Variants in SYNE4 observed in about 807,000 individuals in gnomAD.
SYNE4 encodes spectrin repeat containing nuclear envelope family member 4, also known as nesprin-4.
Under a neutral mutation model 46.9 loss-of-function variants are expected in SYNE4, and 41 were observed. That is an observed-to-expected ratio of 0.87 (90% CI 0.68 to 1.13). SYNE4 has a LOEUF of 1.13. SYNE4 is among the 50% of genes most tolerant of loss of function. The probability of loss-of-function intolerance (pLI) is 0.00; values close to 1 mark genes in which losing one functional copy is unlikely to be tolerated. For synonymous variants in SYNE4, 221 were observed against 219.5 expected (o/e 1.01, Z -0.06); for missense variants, 492 against 514.8 (o/e 0.96, Z 0.43).
rs774287227 is a variant in SYNE4, at chr19:36,006,406, A to AG, written c.867+16dup. The AG allele has an allele frequency of 1.3e-6, 2 of 1,582,394 alleles. No individual in the cohort carries two copies. The highest frequency in any genetic ancestry group is 1.7e-6 in the Non-Finnish European group (2 of 1,163,380). On this transcript the variant is annotated intron_variant, in intron 5 of 7. Coordinates refer to ENST00000324444, the MANE Select transcript of SYNE4 (RefSeq NM_001039876.3). ...AGGGTGCCTGGCAGAAGGTCCCTCA[A>AG]GGGGGTCTGCTCTCACCTCAAGGCC...
Position 36,003,336 on chromosome 19 carries a change from A to G in SYNE4, c.*1T>C. The G allele has an allele frequency of 6.2e-7, 1 of 1,614,080 alleles. No individual in the cohort carries two copies. Among genetic ancestry groups the G allele is most frequent in the Non-Finnish European group, 8.5e-7 (1 of 1,179,984 alleles). On this transcript the variant is annotated 3_prime_UTR_variant, in exon 8 of 8. Coordinates refer to ENST00000324444, the MANE Select transcript of SYNE4 (RefSeq NM_001039876.3). ...TTGACAGTGACCATTTATTACACAC[A>G]TCAGACTGGGGGAAGACCATTGACA...
Position 36,006,789 on chromosome 19 carries a change from C to G in SYNE4, c.579G>C (p.Arg193=), listed in dbSNP as rs531951502. 6.2e-7 allele frequency: 1 copy of G among 1,611,826 alleles called. No individual in the cohort carries two copies. The highest frequency in any genetic ancestry group is 8.5e-7 in the Non-Finnish European group (1 of 1,179,264). The change falls in exon 4 of 8, where the codon CGG becomes CGC. Residue 193 remains arginine (R), a synonymous_variant. Coordinates refer to ENST00000324444, the MANE Select transcript of SYNE4 (RefSeq NM_001039876.3). The part of the protein sequence containing the change: ...LGAYRDSIFR[R]LWQLQAQLVS... The stretch of plus-strand genomic sequence containing the variant: ...CCAGCTGGGCCTGCAGCTGCCAGAG[C>G]CGCCGGAAGATGGAGTCTCGGTAAG...
At chr19:36,007,401 C>G in intron 2 of SYNE4, 133 bp from the exon 3 acceptor site, 2 of 1,430,380 alleles carry the variant, frequency 1.4e-6, no homozygotes, top group East Asian at 2.6e-5. Context: ...CTGTCTGCAC[C>G]AGGATGGCTC....
chr19:36,003,395 C>G lies in SYNE4; in HGVS notation c.1157G>C (p.Arg386Pro), dbSNP rs200818193. The change falls in exon 8 of 8, where the codon CGA becomes CCA. Residue 386 changes from arginine to proline, a missense_variant. By Grantham distance (103) the Arg-to-Pro change is moderately radical. Transcript: ENST00000324444. ...ASGGPCCSHARIPRTPYLVLS... is the reference protein window; with the variant it reads ...ASGGPCCSHAPIPRTPYLVLS... ...CACCAGGTAGGGTGTCCTGGGTATT[C>G]GGGCATGAGAGCAGCAGGGGCCTCC... The G allele has an allele frequency of 2.4e-5, 39 of 1,613,794 alleles. No homozygotes were observed. In the African/African-American group the frequency reaches 3.1e-4, roughly 13 times the overall value.
At chr19:36,006,256 A>G in intron 5 of SYNE4, 167 bp downstream of exon 5, 1 of 977,738 alleles carries the variant, frequency 1.0e-6, no homozygotes, top group Non-Finnish European at 1.4e-6. Flanking sequence ...AGACAGAGAC[A>G]GACGAGAGAG....
chr19:36,008,250 G>C lies in SYNE4; in HGVS notation c.246C>G (p.Ser82=), dbSNP rs1359607714. ...GTTTGCCCCCAGCTGGGTCCTCGTA[G>C]GAAGAGGGTGTTGACCATCTCGGGG... ...AHPPRWSTPS[S]YEDPAGGKHC... The change falls in exon 2 of 8, where the codon TCC becomes TCG. Residue 82 remains serine (S), a synonymous_variant. Transcript: ENST00000324444. The C allele has an allele frequency of 6.2e-7, 1 of 1,610,864 alleles. No homozygotes were observed. The highest frequency in any genetic ancestry group is 1.7e-5 in the Admixed American group (1 of 59,500).
intron 6 of SYNE4, among the ~76,000 whole-genome samples, chr19:36,005,122 C>G (rs1331622830): frequency 6.6e-6 from 1 of 152,116 alleles, no homozygotes; most frequent in Non-Finnish European, 1.5e-5. Flanking sequence ...CCCACCTCAG[C>G]CTCCCAAAGT....
chr19:36,008,149 G>C (rs1968441963), intron 2 of SYNE4, 68 bp downstream of exon 2: 1 of 1,514,704 alleles, frequency 6.6e-7, no homozygotes, highest in Non-Finnish European at 8.8e-7. Flanking sequence ...CCTCAGTATG[G>C]AGGCCAGACT....
Position 36,006,519 on chromosome 19 carries a change from GCCCCCAAT to G in SYNE4, c.763_770del (p.Ile255ProfsTer17), listed in dbSNP as rs1976857644. On this transcript the variant is annotated frameshift_variant, in exon 5 of 8. Coordinates refer to ENST00000324444, the MANE Select transcript of SYNE4 (RefSeq NM_001039876.3). LOFTEE classifies it high-confidence loss of function. ...CTGTCTTTTGTCCCAAGGGCCCAAGGCCCCCAATGTCCCCCGCCGGATCCCACTCCAAC... is the reference window on the plus strand; with the variant it reads ...CTGTCTTTTGTCCCAAGGGCCCAAGGGTCCCCCGCCGGATCCCACTCCAAC... 6.2e-7 allele frequency: 1 copy of G among 1,609,054 alleles called. No individual in the cohort carries two copies. Among genetic ancestry groups the G allele is most frequent in the African/African-American group, 1.3e-5 (1 of 74,772 alleles).
chr19:36,005,681 G>A, intron 5 of SYNE4: 1 of 469,236 alleles, frequency 2.1e-6, no homozygotes, highest in Non-Finnish European at 3.9e-6. Context: ...CAAATTCCTG[G>A]CCTCCGTGGA....
intron 3 of SYNE4, 62 bp downstream of exon 3, chr19:36,007,063 G>C: frequency 6.4e-7 from 1 of 1,563,606 alleles, no homozygotes; most frequent in Non-Finnish European, 8.7e-7. Context: ...TTCCCATCCC[G>C]GAAAGCTGGC....
chr19:36,005,252 C>G, intron 6 of SYNE4, 81 bp downstream of exon 6: 1 of 1,366,846 alleles, frequency 7.3e-7, no homozygotes, highest in Non-Finnish European at 1.0e-6. Flanking sequence ...CATTCCCTTT[C>G]TTGTGCCTTT....
intron 6 of SYNE4, 23 bp downstream of exon 6, chr19:36,005,310 C>T (rs1205891778): frequency 1.9e-6 from 3 of 1,611,546 alleles, no homozygotes; most frequent in Admixed American, 1.7e-5. Context: ...CTGAGTGCTA[C>T]ACCTGGTTGA....
chr19:36,008,651 G>T lies in SYNE4; in HGVS notation c.31C>A (p.Leu11Ile). ...GGGTGGTTGAGGGGCTCTGAGCCAAGTCTAGGGCCCAGAGGCAGGGACAGG... is the reference window on the plus strand; with the variant it reads ...GGGTGGTTGAGGGGCTCTGAGCCAATTCTAGGGCCCAGAGGCAGGGACAGG... MALSLPLGPR[L>I]GSEPLNHPPG... Residue 11 changes from leucine (L) to isoleucine (I), a missense_variant, in exon 1 of 8, where the codon CTT becomes ATT. Physicochemically the swap from Leu to Ile is conservative, Grantham distance 5. Coordinates refer to ENST00000324444, the MANE Select transcript of SYNE4 (RefSeq NM_001039876.3). 1 of 1,613,844 alleles carries T rather than the reference G, an allele frequency of 6.2e-7. No homozygotes were observed. Among genetic ancestry groups the T allele is most frequent in the Middle Eastern group, 1.7e-4 (1 of 6,042 alleles).
intron 5 of SYNE4, 50 bp from the exon 6 acceptor site, chr19:36,005,487 G>C (rs1248760777): frequency 6.4e-7 from 1 of 1,559,870 alleles, no homozygotes; most frequent in Admixed American, 1.7e-5. Context: ...GGCCAGGATA[G>C]GGATGTCATA....
intron 1 of SYNE4, 63 bp downstream of exon 1, chr19:36,008,491 C>A: frequency 6.2e-7 from 1 of 1,610,224 alleles, no homozygotes. Context: ...CTCCTACCCT[C>A]ACATGGCCCC....
At position 36,003,347 on chromosome 19, in the gene SYNE4, G is replaced by T; in HGVS notation, c.1205C>A (p.Pro402His). The change falls in exon 8 of 8, where the codon CCC (proline) becomes CAC (histidine). Residue 402 changes from proline (P) to histidine (H), a missense_variant. Coordinates refer to ENST00000324444, the MANE Select transcript of SYNE4 (RefSeq NM_001039876.3). ...CATTTATTACACACATCAGACTGGGGGAAGACCATTGACATAGCTGAGCAC... is the reference window on the plus strand; with the variant it reads ...CATTTATTACACACATCAGACTGGGTGAAGACCATTGACATAGCTGAGCAC... The part of the protein sequence containing the change: ...YLVLSYVNGL[P>H]PV The T allele has an allele frequency of 6.2e-7, 1 of 1,614,118 alleles. No homozygotes were observed. Among genetic ancestry groups the T allele is most frequent in the Non-Finnish European group, 8.5e-7 (1 of 1,180,022 alleles).
Position 36,006,526 on chromosome 19 carries a change from A to G in SYNE4, c.764T>C (p.Ile255Thr), listed in dbSNP as rs199853331. The G allele has an allele frequency of 4.6e-4, 737 of 1,608,146 alleles. 2 individuals carry two copies. Among genetic ancestry groups the G allele is most frequent in the South Asian group, 2.0e-3 (181 of 90,098 alleles). The change falls in exon 5 of 8, where the codon ATT becomes ACT. Residue 255 changes from isoleucine (I) to threonine (T), a missense_variant. Physicochemically the swap from Ile to Thr is moderately conservative, Grantham distance 89. Transcript: ENST00000324444. The part of the protein sequence containing the change: ...TELEWDPAGD[I>T]GGLGPLGQKT... ...TTGTCCCAAGGGCCCAAGGCCCCCA[A>G]TGTCCCCCGCCGGATCCCACTCCAA...
At chr19:36,005,566 G>T in intron 5 of SYNE4, 129 bp from the exon 6 acceptor site, 1 of 737,966 alleles carries the variant, frequency 1.4e-6, no homozygotes, top group Non-Finnish European at 2.2e-6. Flanking sequence ...GAAACCAAGA[G>T]AGGAGAGAAT....
Sources: allele counts gnomAD v4.1 joint callset (sites outside exome capture counted in the v4.1 genomes callset), GRCh38; gene constraint gnomAD v4.1.1; transcripts MANE v1.5; gene names NCBI Gene and HGNC (gene_info 2026-07-23, HGNC 2026-07-21).